The following KIT variants were observed in gnomAD, a reference collection of about 807,000 sequenced individuals.
KIT encodes KIT proto-oncogene, receptor tyrosine kinase, also known as mast/stem cell growth factor receptor Kit.
A neutral mutation model predicts 105.7 loss-of-function variants in KIT; 16 were observed. The ratio of observed to expected loss-of-function variants is 0.15; its 90% CI spans 0.10 to 0.23. The LOEUF (loss-of-function observed/expected upper bound fraction) is 0.23. KIT is among the 10% of genes least tolerant of loss of function. The probability of loss-of-function intolerance (pLI) is 1.00; values close to 1 mark genes in which losing one functional copy is unlikely to be tolerated. For missense variants in KIT, 858 were observed against 1,213.8 expected (o/e 0.71, Z 4.36); for synonymous variants, 438 against 441.1 (o/e 0.99, Z 0.09).
chr4:54,729,439 G>GAAGC lies in KIT; in HGVS notation c.2096_2099dup (p.Ala701SerfsTer5). 6.2e-7 allele frequency: 1 copy of GAAGC among 1,613,744 alleles called. No individual in the cohort carries two copies. The highest frequency in any genetic ancestry group is 8.5e-7 in the Non-Finnish European group (1 of 1,179,796). On this transcript the variant is annotated frameshift_variant, in exon 14 of 21. Transcript: ENST00000288135. LOFTEE classifies it high-confidence loss of function. ...TTGTTCAAAGCAGGAAGATCATGCAGAAGCTGCACTTTATAAGAATCTTCT... is the reference window on the plus strand; with the variant it reads ...TTGTTCAAAGCAGGAAGATCATGCAGAAGCAAGCTGCACTTTATAAGAATCTTCT...
chr4:54,713,177 T>C (rs538219143), intron 7 of KIT, among the ~76,000 whole-genome samples: 46 of 152,206 alleles, frequency 3.0e-4, no homozygotes, highest in African/African-American at 9.4e-4. Flanking sequence ...ATAAGTTCTT[T>C]TATGGTGATT....
chr4:54,682,428 T>G (rs2109611467), intron 1 of KIT, among the ~76,000 whole-genome samples: 1 of 151,782 alleles, frequency 6.6e-6, no homozygotes, highest in African/African-American at 2.4e-5. Flanking sequence ...TTTCTTTGTC[T>G]TTTTTTTCTT....
At position 54,716,269 on chromosome 4, in the gene KIT, A is replaced by C. The variant is rs994818638; in HGVS notation, c.1231+6730A>C. On this transcript the variant is annotated intron_variant, in intron 7 of 20. Coordinates refer to ENST00000288135, the MANE Select transcript of KIT (RefSeq NM_000222.3). ...TTTCTGATTTATTTACTTGCTTTTG[A>C]GAGTTTGCTCTAAGGCTGCAACAGT... is the stretch of plus-strand genomic sequence containing the variant. 2.6e-5 allele frequency among the ~76,000 whole-genome samples: 4 copies of C among 152,170 alleles called. No individual in the cohort carries two copies. The East Asian group carries it at 7.7e-4, about 29-fold the overall frequency.
chr4:54,673,490 A>G (rs986913873), intron 1 of KIT, among the ~76,000 whole-genome samples: 1 of 152,024 alleles, frequency 6.6e-6, no homozygotes, highest in Admixed American at 6.5e-5. Flanking sequence ...TTTTGCCTCC[A>G]TTTTTAAATC....
At position 54,690,907 on chromosome 4, in the gene KIT, C is replaced by A. The variant is rs566816757; in HGVS notation, c.68-4605C>A. Among the ~76,000 whole-genome samples, 4 of 152,192 alleles carry A rather than the reference C, an allele frequency of 2.6e-5. No homozygotes were observed. The South Asian group carries it at 8.3e-4, about 32-fold the overall frequency. On this transcript the variant is annotated intron_variant, in intron 1 of 20. Coordinates refer to ENST00000288135, the MANE Select transcript of KIT (RefSeq NM_000222.3). ...CATTACAGTCCCACCCTAATAAAAG[C>A]CCTATTTTCATTTTATAATGTGAGT...
At chr4:54,687,635 T>C (rs11946333) in intron 1 of KIT, among the ~76,000 whole-genome samples, 20,406 of 151,824 alleles carry the variant, frequency 0.13, 2,050 homozygotes, top group African/African-American at 0.28. Context: ...TTACTTTGGA[T>C]TGTGAGAGCT....
chr4:54,725,240 G>A lies in KIT; in HGVS notation c.1347-617G>A, dbSNP rs1230406016. 2.6e-5 allele frequency among the ~76,000 whole-genome samples: 4 copies of A among 152,048 alleles called. No individual in the cohort carries two copies. In the East Asian group the frequency reaches 7.7e-4, roughly 29 times the overall value. On this transcript the variant is annotated intron_variant, in intron 8 of 20. Coordinates refer to ENST00000288135, the MANE Select transcript of KIT (RefSeq NM_000222.3). ...CTGCCTCAGCCTCCCGAGTAGCTGG[G>A]ATTACAGGCGCCTGCCACCACGCCC...
At chr4:54,698,127 A>G (rs910432077) in intron 2 of KIT, among the ~76,000 whole-genome samples, 157 bp from the exon 3 acceptor site, 1 of 152,228 alleles carries the variant, frequency 6.6e-6, no homozygotes. Flanking sequence ...TTAATTCTCA[A>G]TAGTACTAGA....
chr4:54,660,639 C>G (rs917949980), intron 1 of KIT, among the ~76,000 whole-genome samples: 1 of 152,060 alleles, frequency 6.6e-6, no homozygotes, highest in Non-Finnish European at 1.5e-5. Context: ...AGGCCTTTTG[C>G]TTGGGGCTTT....
At chr4:54,727,711 C>G in intron 11 of KIT, 112 bp from the exon 12 acceptor site, 1 of 1,274,040 alleles carries the variant, frequency 7.8e-7, no homozygotes, top group Non-Finnish European at 1.1e-6. Context: ...AGGAAAATGT[C>G]TCTGGACAAC....
chr4:54,732,175 C>G (rs943471393), intron 16 of KIT, among the ~76,000 whole-genome samples, 177 bp downstream of exon 16: 9 of 148,220 alleles, frequency 6.1e-5, no homozygotes, highest in African/African-American at 2.2e-4. Context: ...CAACTGCTGT[C>G]TCTTTGGAAT....
chr4:54,700,832 C>A (rs1288560309), intron 4 of KIT, among the ~76,000 whole-genome samples: 1 of 152,094 alleles, frequency 6.6e-6, no homozygotes, highest in Non-Finnish European at 1.5e-5. Flanking sequence ...CTAAATGAAG[C>A]CTGCCATTGA....
intron 1 of KIT, among the ~76,000 whole-genome samples, chr4:54,665,089 C>T (rs553941755): frequency 1.3e-5 from 2 of 152,322 alleles, no homozygotes; most frequent in East Asian, 3.9e-4. Context: ...TACTTTCTGT[C>T]TCTGAATTTG....
chr4:54,666,485 G>T (rs951323434), intron 1 of KIT, among the ~76,000 whole-genome samples: 1 of 152,014 alleles, frequency 6.6e-6, no homozygotes, highest in Non-Finnish European at 1.5e-5. Flanking sequence ...TCACCATGTT[G>T]GCCAGGATGG....
chr4:54,709,280 A>G, intron 6 of KIT, 144 bp from the exon 7 acceptor site: 1 of 671,532 alleles, frequency 1.5e-6, no homozygotes, highest in South Asian at 1.6e-5. Context: ...GTATTTGTTA[A>G]TGTGGATTTT....
chr4:54,730,891 TC>T (rs1305224775), intron 14 of KIT, among the ~76,000 whole-genome samples: 2 of 152,078 alleles, frequency 1.3e-5, no homozygotes, highest in Non-Finnish European at 2.9e-5. Flanking sequence ...TTTTAAACCT[TC>T]CTCCATCAGT....
intron 7 of KIT, among the ~76,000 whole-genome samples, chr4:54,713,035 T>C (rs1577974409): frequency 6.6e-6 from 1 of 151,862 alleles, no homozygotes; most frequent in East Asian, 1.9e-4. Flanking sequence ...AGTTGCTCTT[T>C]AGAGATATAG....
chr4:54,703,789 G>A lies in KIT; in HGVS notation c.822G>A (p.Thr274=), dbSNP rs747288547. ...ACTTCAATTATGAACGTCAGGCAAC[G>A]TTGACTATCAGTTCAGCGAGAGTTA... The part of the protein sequence containing the change: ...HGDFNYERQA[T]LTISSARVND... Residue 274 remains threonine, a synonymous_variant, in exon 5 of 21, where the codon ACG becomes ACA. Coordinates refer to ENST00000288135, the MANE Select transcript of KIT (RefSeq NM_000222.3). 1.5e-5 allele frequency: 24 copies of A among 1,613,396 alleles called. No homozygotes were observed. The highest frequency in any genetic ancestry group is 4.0e-5 in the African/African-American group (3 of 74,880).
intron 7 of KIT, among the ~76,000 whole-genome samples, chr4:54,710,235 T>C (rs1721058943): frequency 6.6e-6 from 1 of 152,190 alleles, no homozygotes; most frequent in African/African-American, 2.4e-5. Context: ...AGTGCAGGGC[T>C]TCTTCCTGGC....
Sources: allele counts gnomAD v4.1 joint callset (sites outside exome capture counted in the v4.1 genomes callset), GRCh38; gene constraint gnomAD v4.1.1; transcripts MANE v1.5; gene names NCBI Gene and HGNC (gene_info 2026-07-23, HGNC 2026-07-21).